Variants in IL34 observed in about 807,000 individuals in gnomAD.
The protein encoded by IL34 is interleukin 34.
In IL34, 17 loss-of-function variants were observed where a neutral mutation model predicts 25.3. The observed-to-expected ratio is 0.67, with a 90% confidence interval of 0.46 to 1.01. The LOEUF (loss-of-function observed/expected upper bound fraction) is 1.01. Ranked by LOEUF, IL34 falls within the 50% of genes least tolerant of loss-of-function variation. IL34 has a pLI of 0.00. For synonymous variants in IL34, 174 were observed against 140.9 expected, an observed-to-expected ratio of 1.23 and a Z score of -1.66; for missense variants, 368 against 312.9, an observed-to-expected ratio of 1.18 and a Z score of -1.33.
At chr16:70,638,882 A>G (rs1261315378) in intron 1 of IL34, among the ~76,000 whole-genome samples, 1 of 152,184 alleles carries the variant, frequency 6.6e-6, no homozygotes, top group Non-Finnish European at 1.5e-5. Flanking sequence ...GCACCAGCCC[A>G]GTTTGTTTGT....
intron 1 of IL34, among the ~76,000 whole-genome samples, chr16:70,620,764 G>T (rs1423671360): frequency 6.6e-6 from 1 of 152,116 alleles, no homozygotes; most frequent in Non-Finnish European, 1.5e-5. Flanking sequence ...CTATTTTCTG[G>T]CTATTTGGAA....
At chr16:70,584,268 G>A (rs550849391) in intron 1 of IL34, among the ~76,000 whole-genome samples, 1 of 152,250 alleles carries the variant, frequency 6.6e-6, no homozygotes, top group East Asian at 1.9e-4. Flanking sequence ...CTGGGAACTG[G>A]GCTGCAACTG....
At chr16:70,626,856 C>T (rs189232835) in intron 1 of IL34, among the ~76,000 whole-genome samples, 5 of 152,066 alleles carry the variant, frequency 3.3e-5, no homozygotes, top group Non-Finnish European at 7.3e-5. Flanking sequence ...TATCATAAGC[C>T]ATTTATCATG....
At chr16:70,631,038 G>C (rs1199775268) in intron 1 of IL34, among the ~76,000 whole-genome samples, 1 of 152,132 alleles carries the variant, frequency 6.6e-6, no homozygotes, top group Non-Finnish European at 1.5e-5. Context: ...TCATATGGTA[G>C]CCTAAACTAC....
intron 1 of IL34, among the ~76,000 whole-genome samples, chr16:70,593,626 C>T (rs2050781644): frequency 6.6e-6 from 1 of 152,118 alleles, no homozygotes; most frequent in African/African-American, 2.4e-5. Flanking sequence ...AAGTGATCCT[C>T]CCACCTCAGC....
chr16:70,629,509 A>G (rs1252956844), intron 1 of IL34, among the ~76,000 whole-genome samples: 3 of 152,186 alleles, frequency 2.0e-5, no homozygotes, highest in Admixed American at 6.5e-5. Flanking sequence ...GTAAAATGGC[A>G]TAGTATTTGC....
intron 4 of IL34, chr16:70,657,408 A>C: frequency 2.8e-6 from 1 of 361,220 alleles, no homozygotes; most frequent in East Asian, 5.1e-5. Flanking sequence ...AAGTCATCGT[A>C]CCCTCTTTGT....
chr16:70,623,288 CATA>C (rs913321335), intron 1 of IL34, among the ~76,000 whole-genome samples: 8 of 151,940 alleles, frequency 5.3e-5, no homozygotes, highest in African/African-American at 1.9e-4. Context: ...AGATCCAGAA[CATA>C]ATAATGGATT....
At chr16:70,615,440 G>C (rs956830698) in intron 1 of IL34, among the ~76,000 whole-genome samples, 4 of 152,088 alleles carry the variant, frequency 2.6e-5, no homozygotes, top group Non-Finnish European at 5.9e-5. Context: ...CTGGGAGGTG[G>C]AGGTTGCAGT....
At chr16:70,641,143 G>A (rs371145802) in intron 1 of IL34, among the ~76,000 whole-genome samples, 104 of 152,154 alleles carry the variant, frequency 6.8e-4, no homozygotes, top group Middle Eastern at 6.8e-3. Context: ...AAGTGGTGGT[G>A]CACGCCTGTA....
chr16:70,646,616 G>A lies in IL34; in HGVS notation c.-332G>A, dbSNP rs570860140. Reference sequence around the variant, plus strand: ...AAAGCGTCACCCAGCCCCAGATTCCGAGGGGCCTGCCAGGGACTCTCTCCT... The same window carrying A: ...AAAGCGTCACCCAGCCCCAGATTCCAAGGGGCCTGCCAGGGACTCTCTCCT... On this transcript the variant is annotated 5_prime_UTR_variant, in exon 1 of 6. Transcript: ENST00000288098. The A allele has an allele frequency of 1.9e-5, 7 of 361,066 alleles. No homozygotes were observed. The highest frequency in any genetic ancestry group is 1.3e-4 in the East Asian group (3 of 22,588). 22.4% of individuals were successfully genotyped at this position (361,066 alleles called of 1,614,324 possible).
chr16:70,602,321 C>T (rs2050930190), intron 1 of IL34, among the ~76,000 whole-genome samples: 1 of 152,116 alleles, frequency 6.6e-6, no homozygotes, highest in African/African-American at 2.4e-5. Flanking sequence ...TTGCCAGCTG[C>T]GTGGCTTTAA....
rs980918250 is a variant in IL34 at position 70,592,209 on chromosome 16, C to T, written c.-401+12160C>T. Among the ~76,000 whole-genome samples, 68 of 147,694 alleles carry T rather than the reference C, an allele frequency of 4.6e-4. 1 individual carries two copies. The highest frequency in any genetic ancestry group is 1.6e-3 in the African/African-American group (65 of 39,898). On this transcript the variant is annotated intron_variant, in intron 1 of 6. Coordinates refer to the IL34 transcript ENST00000429149. ...ATAAAGGCCAGCAGACCTGCTGGCC[C>T]GGCTGAGGCTGGGCTGGGGCCAGGC...
At chr16:70,631,097 G>A (rs553407796) in intron 1 of IL34, among the ~76,000 whole-genome samples, 80 of 152,312 alleles carry the variant, frequency 5.3e-4, no homozygotes, top group African/African-American at 1.7e-3. Context: ...ATCCATGGAC[G>A]CAGAAGACTG....
intron 1 of IL34, among the ~76,000 whole-genome samples, chr16:70,626,602 A>G (rs2051399399): frequency 6.6e-6 from 1 of 151,800 alleles, no homozygotes. Flanking sequence ...CACCATGTTG[A>G]TCAGGCTGGT....
chr16:70,619,859 C>T (rs891590034), intron 1 of IL34, among the ~76,000 whole-genome samples: 12 of 152,232 alleles, frequency 7.9e-5, no homozygotes, highest in South Asian at 2.1e-4. Flanking sequence ...ACAGATGGGA[C>T]GCGGCTTAGG....
At chr16:70,651,935 C>A (rs1359924095) in intron 1 of IL34, among the ~76,000 whole-genome samples, 1 of 150,392 alleles carries the variant, frequency 6.6e-6, no homozygotes, top group Non-Finnish European at 1.5e-5. Flanking sequence ...AGCAGCCTGG[C>A]CAACCTGGTG....
At chr16:70,615,136 A>C (rs1209200214) in intron 1 of IL34, among the ~76,000 whole-genome samples, 1 of 152,132 alleles carries the variant, frequency 6.6e-6, no homozygotes, top group African/African-American at 2.4e-5. Context: ...CGGTGTATGC[A>C]TTTTTGCAAC....
chr16:70,642,250 GAGAGACAAAGAC>G (rs2051802304), upstream of IL34, among the ~76,000 whole-genome samples: 1 of 150,636 alleles, frequency 6.6e-6, no homozygotes, highest in Admixed American at 6.6e-5. Flanking sequence ...CAGAGAGAGA[GAGAGACAAAGAC>G]AGAGACAGAG....
Sources: allele counts gnomAD v4.1 joint callset (sites outside exome capture counted in the v4.1 genomes callset), GRCh38; gene constraint gnomAD v4.1.1; transcripts MANE v1.5; gene names NCBI Gene and HGNC (gene_info 2026-07-23, HGNC 2026-07-21).